Variants in LMOD1 observed in about 807,000 individuals in gnomAD.
The protein encoded by LMOD1 is leiomodin-1.
Under a neutral mutation model 36.5 loss-of-function variants are expected in LMOD1, and 8 were observed. The observed-to-expected ratio is 0.22, with a 90% CI of 0.13 to 0.40. The LOEUF (loss-of-function observed/expected upper bound fraction) is 0.40, where lower values mean the gene tolerates loss of function less well. Among genes scored for constraint, LMOD1 ranks in the 10% least tolerant of loss-of-function variants. The pLI is 1.00. For synonymous variants in LMOD1, 284 were observed against 288.7 expected (o/e 0.98, Z 0.17); for missense variants, 630 against 751.1 (o/e 0.84, Z 1.88).
rs1040446425 is a variant in LMOD1 at position 201,923,122 on chromosome 1, G to T, written c.262-22371C>A. On this transcript the variant is annotated intron_variant, in intron 1 of 2. Transcript: ENST00000367288. ...TTACAGGCGTGAGCCACTGCGCCAGGCCAGGAGTGACTCTTGACAGCCCTT... is the reference window on the plus strand; with the variant it reads ...TTACAGGCGTGAGCCACTGCGCCAGTCCAGGAGTGACTCTTGACAGCCCTT... 2.6e-5 allele frequency among the ~76,000 whole-genome samples: 4 copies of T among 152,244 alleles called. No individual in the cohort carries two copies. In the East Asian group the frequency reaches 5.8e-4, roughly 22 times the overall value.
chr1:201,933,707 C>T (rs1681969925), intron 1 of LMOD1, among the ~76,000 whole-genome samples: 1 of 149,822 alleles, frequency 6.7e-6, no homozygotes, highest in Non-Finnish European at 1.5e-5. Context: ...TGCTGTGGTG[C>T]TGACAACATT....
chr1:201,934,168 G>C (rs1681975711), intron 1 of LMOD1, among the ~76,000 whole-genome samples: 1 of 152,186 alleles, frequency 6.6e-6, no homozygotes, highest in South Asian at 2.1e-4. Context: ...TTCATGTCCG[G>C]AAGTACTTTC....
chr1:201,946,029 C>A, intron 1 of LMOD1, 51 bp downstream of exon 1: 1 of 1,572,362 alleles, frequency 6.4e-7, no homozygotes, highest in South Asian at 1.2e-5. Context: ...AAGCCAGGGT[C>A]TCCAGCCCTC....
rs907950686 is a variant in LMOD1 at position 201,897,455 on chromosome 1, A to G, written c.*917T>C. 1.3e-5 allele frequency: 2 copies of G among 153,184 alleles called. No individual in the cohort carries two copies. The highest frequency in any genetic ancestry group is 4.8e-5 in the African/African-American group (2 of 41,458). The allele number at this position is 153,184 out of a possible 1,614,324, so 9.5% of individuals were successfully genotyped here. On this transcript the variant is annotated 3_prime_UTR_variant, in exon 3 of 3. Transcript: ENST00000367288. ...CCTTCTAGACCTGGACAACCAGGTC[A>G]GTGGAGAGTCTTCTGCTTAGAGTTC...
chr1:201,915,825 C>T (rs920483180), intron 1 of LMOD1, among the ~76,000 whole-genome samples: 4 of 152,180 alleles, frequency 2.6e-5, no homozygotes, highest in African/African-American at 9.6e-5. Context: ...AACCTCCTCT[C>T]GGTTTCGCTG....
At position 201,900,529 on chromosome 1, in the gene LMOD1, G is replaced by T. The variant is rs756783701; in HGVS notation, c.484C>A (p.Arg162=). The change falls in exon 2 of 3, where the codon CGG becomes AGG. Residue 162 remains arginine (R), a synonymous_variant. Transcript: ENST00000367288. ...EKIIRGIDKG[R]VRAAVDKKEA... ...TTCTTATCCACTGCAGCCCTGACCC[G>T]GCCCTTGTCAATGCCCCGGATGATC... 1.2e-6 allele frequency: 2 copies of T among 1,613,226 alleles called. No individual in the cohort carries two copies. Among genetic ancestry groups the T allele is most frequent in the East Asian group, 2.2e-5 (1 of 44,860 alleles).
intron 1 of LMOD1, among the ~76,000 whole-genome samples, chr1:201,933,311 G>A (rs528243756): frequency 3.0e-4 from 45 of 151,832 alleles, no homozygotes; most frequent in African/African-American, 1.1e-3. Flanking sequence ...CTACTTTGGA[G>A]GCTGAGGCAG....
Position 201,896,619 on chromosome 1 carries a change from A to G in LMOD1, c.*1753T>C. On this transcript the variant is annotated 3_prime_UTR_variant, in exon 3 of 3. Coordinates refer to ENST00000367288, the MANE Select transcript of LMOD1 (RefSeq NM_012134.3). ...CTAGTGCCCAGTGCCCAGCAGGCAC[A>G]GGGGGGTGCAGTGGGACTGACAGTG... The G allele has an allele frequency of 2.2e-6, 1 of 456,760 alleles. No homozygotes were observed. The highest frequency in any genetic ancestry group is 1.5e-5 in the South Asian group (1 of 64,568). 28.3% of individuals were successfully genotyped at this position (456,760 alleles called of 1,614,324 possible).
intron 1 of LMOD1, among the ~76,000 whole-genome samples, chr1:201,919,363 C>A (rs1408692999): frequency 6.6e-6 from 1 of 152,018 alleles, no homozygotes. Context: ...CACCACCATG[C>A]CCGGCTGATT....
At chr1:201,944,166 A>G (rs1558245254) in intron 1 of LMOD1, among the ~76,000 whole-genome samples, 2 of 152,128 alleles carry the variant, frequency 1.3e-5, no homozygotes, top group Non-Finnish European at 2.9e-5. Context: ...TGTACACACA[A>G]ACACACACAC....
At chr1:201,924,327 A>G (rs1374160714) in intron 1 of LMOD1, among the ~76,000 whole-genome samples, 1 of 146,810 alleles carries the variant, frequency 6.8e-6, no homozygotes, top group Non-Finnish European at 1.5e-5. Context: ...CTGTCTCAAA[A>G]AAAAAAAAAA....
intron 1 of LMOD1, among the ~76,000 whole-genome samples, chr1:201,918,068 C>T (rs1282562141): frequency 3.9e-5 from 6 of 152,226 alleles, no homozygotes; most frequent in Non-Finnish European, 8.8e-5. Flanking sequence ...TTGCGCTAAG[C>T]CCTGCAAATT....
At chr1:201,921,466 C>T (rs1403078384) in intron 1 of LMOD1, among the ~76,000 whole-genome samples, 11 of 113,152 alleles carry the variant, frequency 9.7e-5, no homozygotes, top group South Asian at 3.0e-4. Flanking sequence ...CCAGCCTGGG[C>T]GACAGAGTGA....
Position 201,937,395 on chromosome 1 carries a change from T to G in LMOD1, c.261+8685A>C, listed in dbSNP as rs183460167. Among the ~76,000 whole-genome samples, 602 of 151,928 alleles carry G rather than the reference T, an allele frequency of 4.0e-3. 5 individuals are homozygous for G. Among genetic ancestry groups the G allele is most frequent in the African/African-American group, 0.014 (576 of 41,430 alleles). On this transcript the variant is annotated intron_variant, in intron 1 of 2. Coordinates refer to ENST00000367288, the MANE Select transcript of LMOD1 (RefSeq NM_012134.3). The stretch of plus-strand genomic sequence containing the variant: ...TCAGGAGTTTGAAGCTGCAATGAAC[T>G]GAGATTGCACTACTCTACTCCAGCC...
chr1:201,901,534 A>ATATATATATACACATATATATATG (rs1681305671), intron 1 of LMOD1, among the ~76,000 whole-genome samples: 1 of 31,794 alleles, frequency 3.1e-5, no homozygotes, highest in African/African-American at 1.2e-4. Flanking sequence ...ATATATGTAT[A>ATATATATATACACATATATATATG]TATATATATA....
chr1:201,901,618 A>G (rs1558234807), intron 1 of LMOD1, among the ~76,000 whole-genome samples: 5 of 31,092 alleles, frequency 1.6e-4, no homozygotes, highest in African/African-American at 2.6e-4. Context: ...ATACACATAT[A>G]TATGTGTGTG....
At position 201,896,663 on chromosome 1, in the gene LMOD1, T is replaced by C. The variant is rs1279734601; in HGVS notation, c.*1709A>G. ...GACAGTGAGGGCTGACAGTGGAAGC[T>C]CTAGCTGGCCTTAGCTCCAGCTCAT... On this transcript the variant is annotated 3_prime_UTR_variant, in exon 3 of 3. Coordinates refer to ENST00000367288, the MANE Select transcript of LMOD1 (RefSeq NM_012134.3). The C allele has an allele frequency of 4.4e-6, 2 of 456,608 alleles. No homozygotes were observed. The highest frequency in any genetic ancestry group is 4.0e-5 in the African/African-American group (2 of 50,064). 28.3% of individuals were successfully genotyped at this position (456,608 alleles called of 1,614,324 possible).
At chr1:201,924,659 AG>A (rs1558240399) in intron 1 of LMOD1, among the ~76,000 whole-genome samples, 6 of 137,666 alleles carry the variant, frequency 4.4e-5, no homozygotes, top group East Asian at 2.4e-4. Context: ...AGAGAAAGAA[AG>A]AAAAAAAAGA....
chr1:201,901,560 A>G (rs1199190376), intron 1 of LMOD1, among the ~76,000 whole-genome samples: 276 of 25,762 alleles, frequency 0.011, 2 homozygotes, highest in East Asian at 0.048. Flanking sequence ...ATACATATAT[A>G]TATGTATATA....
Sources: allele counts gnomAD v4.1 joint callset (sites outside exome capture counted in the v4.1 genomes callset), GRCh38; gene constraint gnomAD v4.1.1; transcripts MANE v1.5; gene names NCBI Gene and HGNC (gene_info 2026-07-23, HGNC 2026-07-21).